NT5DC1: variants seen among roughly 807,000 people sequenced by gnomAD.
NT5DC1 encodes the protein 5'-nucleotidase domain containing 1.
NT5DC1 carries 42 observed loss-of-function variants against 59.4 expected under a neutral mutation model. The ratio of observed to expected loss-of-function variants is 0.71; its 90% CI spans 0.55 to 0.92. NT5DC1 has a LOEUF of 0.92. NT5DC1 is among the 40% of genes least tolerant of loss of function. The pLI is 0.00. For missense variants in NT5DC1, 501 were observed against 537.1 expected, an observed-to-expected ratio of 0.93 and a Z score of 0.66; for synonymous variants, 172 against 188.1, an observed-to-expected ratio of 0.91 and a Z score of 0.70.
At chr6:116,206,429 G>A (rs1202559339) in intron 6 of NT5DC1, among the ~76,000 whole-genome samples, 1 of 151,922 alleles carries the variant, frequency 6.6e-6, no homozygotes, top group Non-Finnish European at 1.5e-5. Context: ...ACTTACCCAA[G>A]GAAATTGCAC....
chr6:116,154,267 A>G (rs1026162829), intron 6 of NT5DC1, among the ~76,000 whole-genome samples: 1 of 152,202 alleles, frequency 6.6e-6, no homozygotes, highest in African/African-American at 2.4e-5. Context: ...ATTTTAACAA[A>G]ACATCAACAT....
chr6:116,139,885 C>T (rs1302507941), intron 6 of NT5DC1, among the ~76,000 whole-genome samples: 4 of 152,166 alleles, frequency 2.6e-5, no homozygotes, highest in African/African-American at 9.7e-5. Context: ...TTAAAAATAA[C>T]ATTCTATGAT....
chr6:116,161,718 T>C (rs965632562), intron 6 of NT5DC1, among the ~76,000 whole-genome samples: 2 of 152,222 alleles, frequency 1.3e-5, no homozygotes, highest in African/African-American at 4.8e-5. Context: ...TAGGCTCTTA[T>C]GGGTTCCATA....
intron 2 of NT5DC1, among the ~76,000 whole-genome samples, chr6:116,106,745 A>G (rs999955552): frequency 7.9e-5 from 12 of 152,214 alleles, no homozygotes; most frequent in African/African-American, 2.2e-4. Flanking sequence ...AATTAGGACA[A>G]TTGCTTTTCT....
intron 3 of NT5DC1, among the ~76,000 whole-genome samples, chr6:116,109,602 A>C (rs1778833532): frequency 6.6e-6 from 1 of 152,090 alleles, no homozygotes; most frequent in East Asian, 1.9e-4. Context: ...TTTCTCCTGA[A>C]TTTATTAGCA....
intron 6 of NT5DC1, chr6:116,145,525 A>G (rs1046566287): frequency 6.3e-6 from 2 of 317,032 alleles, no homozygotes; most frequent in South Asian, 2.8e-5. Context: ...GTATTATTTC[A>G]TTAGAACTCC....
intron 6 of NT5DC1, among the ~76,000 whole-genome samples, chr6:116,137,943 G>A (rs1315386857): frequency 1.3e-5 from 2 of 152,104 alleles, no homozygotes; most frequent in Non-Finnish European, 2.9e-5. Context: ...GCCAGGCGTG[G>A]TGGTGTGTGT....
intron 5 of NT5DC1, among the ~76,000 whole-genome samples, 154 bp downstream of exon 5, chr6:116,115,924 A>C (rs1470569334): frequency 6.6e-6 from 1 of 152,176 alleles, no homozygotes; most frequent in African/African-American, 2.4e-5. Flanking sequence ...AATTTGGTTC[A>C]AATATTTTTG....
At chr6:116,120,562 T>C in intron 6 of NT5DC1, 1 of 1,609,876 alleles carries the variant, frequency 6.2e-7, no homozygotes, top group Non-Finnish European at 8.5e-7. Flanking sequence ...GCATGACTGC[T>C]TGACCTGGTG....
At chr6:116,224,951 G>T (rs533973642) in intron 8 of NT5DC1, among the ~76,000 whole-genome samples, 1 of 152,300 alleles carries the variant, frequency 6.6e-6, no homozygotes, top group African/African-American at 2.4e-5. Flanking sequence ...GACAGTACTG[G>T]AAATGGAGAG....
intron 6 of NT5DC1, chr6:116,122,025 A>G: frequency 7.2e-7 from 1 of 1,381,054 alleles, no homozygotes; most frequent in South Asian, 1.2e-5. Flanking sequence ...AAAGAGAATC[A>G]TTGCCTTTCA....
chr6:116,101,062 T>C, intron 1 of NT5DC1, 39 bp downstream of exon 1: 1 of 1,439,424 alleles, frequency 6.9e-7, no homozygotes, highest in Non-Finnish European at 9.6e-7. Context: ...GCGCGCAACC[T>C]CCATGGCGGC....
At position 116,243,029 on chromosome 6, in the gene NT5DC1, G is replaced by C. The variant is rs1771768202; in HGVS notation, c.1253-880G>C. On this transcript the variant is annotated intron_variant, in intron 11 of 11. Coordinates refer to ENST00000319550, the MANE Select transcript of NT5DC1 (RefSeq NM_152729.3). ...TCCCAAGAATTGTGCCTCAAGTCTT[G>C]GTTGCCTCTTTAGCTCTCTGGTGAC... Among the ~76,000 whole-genome samples, 4 of 152,070 alleles carry C rather than the reference G, an allele frequency of 2.6e-5. No homozygotes were observed. The South Asian group carries it at 8.3e-4, about 31-fold the overall frequency.
At chr6:116,142,086 T>C (rs1562135841) in intron 6 of NT5DC1, among the ~76,000 whole-genome samples, 1 of 152,098 alleles carries the variant, frequency 6.6e-6, no homozygotes, top group Admixed American at 6.5e-5. Flanking sequence ...GGAATTGATA[T>C]TAGGATCCTA....
intron 6 of NT5DC1, among the ~76,000 whole-genome samples, chr6:116,178,898 G>A (rs1227183378): frequency 1.3e-5 from 2 of 152,084 alleles, no homozygotes; most frequent in Non-Finnish European, 2.9e-5. Flanking sequence ...TCTTTTACTC[G>A]ATATGCATTT....
rs1207079528 is a variant in NT5DC1 at position 116,178,091 on chromosome 6, G to A, written c.530-42963G>A. Among the ~76,000 whole-genome samples the A allele has an allele frequency of 2.7e-4, 14 of 52,252 alleles. 1 individual carries two copies. The highest frequency in any genetic ancestry group is 1.2e-3 in the African/African-American group (12 of 9,978). 34.3% of individuals were successfully genotyped at this position (52,252 alleles called of 152,430 possible). On this transcript the variant is annotated intron_variant, in intron 6 of 11. Transcript: ENST00000319550. The stretch of plus-strand genomic sequence containing the variant: ...TGTGTGTGTGTGTGTGTGTGTGTGC[G>A]CGCGCGCGCGCGTGCGTGCGTGTGT...
intron 6 of NT5DC1, among the ~76,000 whole-genome samples, chr6:116,220,794 T>A (rs1013797824): frequency 1.8e-4 from 28 of 152,326 alleles, no homozygotes; most frequent in Middle Eastern, 6.8e-3. Context: ...TTTCTTGTGT[T>A]ACCTGTTTTA....
chr6:116,166,020 C>G (rs1260449183), intron 6 of NT5DC1, among the ~76,000 whole-genome samples: 1 of 152,130 alleles, frequency 6.6e-6, no homozygotes, highest in Non-Finnish European at 1.5e-5. Context: ...ATCCTAAATC[C>G]GCACTGACAG....
In NT5DC1 at chr6:116,117,926, T is replaced by C; in HGVS notation, c.510T>C (p.Tyr170=). The C allele has an allele frequency of 1.3e-6, 2 of 1,561,958 alleles. No individual in the cohort carries two copies. Among genetic ancestry groups the C allele is most frequent in the Non-Finnish European group, 1.8e-6 (2 of 1,132,452 alleles). ...TAGTTGCTGCTATACAACACAATTA[T>C]AAAATGTCAGCTTTTAAGGGTAAGT... ...KDIVAAIQHN[Y]KMSAFKENCG... is the part of the protein sequence containing the mutation. The change falls in exon 6 of 12, where the codon TAT becomes TAC. Residue 170 remains tyrosine, a synonymous_variant. Transcript: ENST00000319550.
Sources: allele counts gnomAD v4.1 joint callset (sites outside exome capture counted in the v4.1 genomes callset), GRCh38; gene constraint gnomAD v4.1.1; transcripts MANE v1.5; gene names NCBI Gene and HGNC (gene_info 2026-07-23, HGNC 2026-07-21).